Variants in ACSS2 observed in about 807,000 individuals in gnomAD.
The protein encoded by ACSS2 is acetyl-coenzyme A synthetase, cytoplasmic.
Under a neutral mutation model 90.6 loss-of-function variants are expected in ACSS2, and 58 were observed. The ratio of observed to expected loss-of-function variants is 0.64; its 90% CI spans 0.52 to 0.80. The LOEUF is 0.80. Ranked by LOEUF, ACSS2 falls within the 30% of genes least tolerant of loss-of-function variation. The pLI is 0.00. For missense variants in ACSS2, 759 were observed against 912.0 expected, an observed-to-expected ratio of 0.83 and a Z score of 2.16; for synonymous variants, 300 against 330.9, an observed-to-expected ratio of 0.91 and a Z score of 1.01.
Position 34,927,458 on chromosome 20 carries a change from G to C in ACSS2, c.*244G>C. 1 of 556,046 alleles carries C rather than the reference G, an allele frequency of 1.8e-6. No homozygotes were observed. Among genetic ancestry groups the C allele is most frequent in the South Asian group, 2.2e-5 (1 of 44,538 alleles). The allele number at this position is 556,046 out of a possible 1,614,324, so 34.4% of individuals were successfully genotyped here. ...CAGACTGCAGAGCTCTCAGAACCCA[G>C]AACAGAGACGAAAAGGCTACCTCTC... is the stretch of plus-strand genomic sequence containing the variant. On this transcript the variant is annotated 3_prime_UTR_variant, in exon 18 of 18. Transcript: ENST00000360596. This position sits in a 1 kb window ranked among gnomAD's most constrained non-coding sequence, Gnocchi z 4.2.
chr20:34,914,238 C>T, intron 6 of ACSS2, 67 bp downstream of exon 6: 1 of 1,605,836 alleles, frequency 6.2e-7, no homozygotes, highest in Non-Finnish European at 8.5e-7. Context: ...CCTTTGTCCC[C>T]TCTACCCTAA....
chr20:34,916,703 T>TA (rs1406094721), intron 7 of ACSS2, among the ~76,000 whole-genome samples: 5 of 152,066 alleles, frequency 3.3e-5, no homozygotes, highest in Non-Finnish European at 7.4e-5. Flanking sequence ...ATTTAAAAAT[T>TA]AAAAAATAGT....
At chr20:34,897,050 G>C (rs1280743109) in intron 2 of ACSS2, among the ~76,000 whole-genome samples, 1 of 149,020 alleles carries the variant, frequency 6.7e-6, no homozygotes, top group Non-Finnish European at 1.5e-5. Flanking sequence ...AAAAAAAATA[G>C]AAAGAGGCAA....
intron 2 of ACSS2, among the ~76,000 whole-genome samples, chr20:34,899,423 T>TTTCTTTCCTTCC (rs1491564858): frequency 1.3e-3 from 144 of 113,072 alleles, no homozygotes; most frequent in East Asian, 3.8e-3. Flanking sequence ...TCTTTCTTTC[T>TTTCTTTCCTTCC]TTCCTTCCTT....
At chr20:34,925,284 G>A (rs1226527613) in intron 14 of ACSS2, among the ~76,000 whole-genome samples, 3 of 152,106 alleles carry the variant, frequency 2.0e-5, no homozygotes, top group South Asian at 2.1e-4. Context: ...GAGGACCTAC[G>A]TTCATGCTTA....
At chr20:34,882,082 C>T (rs1052523588) in intron 1 of ACSS2, among the ~76,000 whole-genome samples, 2 of 152,088 alleles carry the variant, frequency 1.3e-5, no homozygotes, top group Non-Finnish European at 2.9e-5. Flanking sequence ...CAGCAGAACT[C>T]GGTGTGTACC....
rs1177860432 is a variant in ACSS2, at chr20:34,921,416, G to A, written c.1364G>A (p.Gly455Asp). Residue 455 changes from glycine to aspartate, a missense_variant, in exon 11 of 18, where the codon GGT becomes GAT. Transcript: ENST00000360596. The stretch of plus-strand genomic sequence containing the variant: ...TGGCTATGGTACCACCGGGTGGTAG[G>A]TGCCCAGCGCTGCCCCATCGTGGAC... ...EAWLWYHRVV[G>D]AQRCPIVDTF... is the part of the protein sequence containing the mutation. The A allele has an allele frequency of 6.2e-7, 1 of 1,614,078 alleles. No homozygotes were observed. The highest frequency in any genetic ancestry group is 8.5e-7 in the Non-Finnish European group (1 of 1,180,040).
intron 2 of ACSS2, among the ~76,000 whole-genome samples, chr20:34,905,061 G>A (rs1718684721): frequency 6.6e-6 from 1 of 151,768 alleles, no homozygotes; most frequent in Admixed American, 6.6e-5. Context: ...GGGACCATAG[G>A]CATTAGCTAC....
In ACSS2 at chr20:34,914,450, C is replaced by A. The variant is rs773086961; in HGVS notation, c.834+13C>A. The A allele has an allele frequency of 5.1e-5, 80 of 1,578,966 alleles. No homozygotes were observed. Among genetic ancestry groups the A allele is most frequent in the Non-Finnish European group, 6.6e-5 (77 of 1,163,952 alleles). ...CCCAGATGTGCAGGTGAGTCTGGCA[C>A]TGCTATGCCTTTCTCCAGGCTCAAA... On this transcript the variant is annotated intron_variant, in intron 7 of 17. Transcript: ENST00000360596.
At chr20:34,898,197 G>A (rs1282649018) in intron 2 of ACSS2, among the ~76,000 whole-genome samples, 1 of 152,170 alleles carries the variant, frequency 6.6e-6, no homozygotes, top group Admixed American at 6.5e-5. Flanking sequence ...AAAGAACAAA[G>A]CTTCCACAGT....
intron 7 of ACSS2, among the ~76,000 whole-genome samples, chr20:34,917,517 T>C (rs1403281885): frequency 1.3e-5 from 2 of 152,202 alleles, no homozygotes; most frequent in Non-Finnish European, 1.5e-5. Context: ...TATCAAGCTA[T>C]ATATCTAACA....
intron 2 of ACSS2, among the ~76,000 whole-genome samples, chr20:34,899,423 TTTC>T: frequency 8.8e-6 from 1 of 113,024 alleles, no homozygotes; most frequent in Non-Finnish European, 1.8e-5. Context: ...TCTTTCTTTC[TTTC>T]CTTCCTTCCT....
chr20:34,889,254 C>CT (rs1328643798), intron 2 of ACSS2, among the ~76,000 whole-genome samples: 1 of 151,812 alleles, frequency 6.6e-6, no homozygotes, highest in Admixed American at 6.6e-5. Context: ...TCCCGAGCAG[C>CT]TGGTACTACA....
At chr20:34,917,673 T>C (rs1428805381) in intron 7 of ACSS2, among the ~76,000 whole-genome samples, 2 of 152,202 alleles carry the variant, frequency 1.3e-5, no homozygotes, top group African/African-American at 2.4e-5. Flanking sequence ...ATGAAAGGAC[T>C]TTGTGACAGC....
At chr20:34,922,041 A>G in intron 13 of ACSS2, 175 bp downstream of exon 13, 1 of 1,370,834 alleles carries the variant, frequency 7.3e-7, no homozygotes, top group Non-Finnish European at 9.4e-7. Context: ...CTTTGCCTGC[A>G]TCTCTTCCTT....
At chr20:34,879,871 T>C (rs2080028977) in intron 1 of ACSS2, among the ~76,000 whole-genome samples, 1 of 152,248 alleles carries the variant, frequency 6.6e-6, no homozygotes, top group South Asian at 2.1e-4. Context: ...CGTTATTAGC[T>C]GCGTGGTCCT....
chr20:34,914,576 C>CCCTGCTAG, intron 7 of ACSS2, 139 bp downstream of exon 7: 1 of 744,252 alleles, frequency 1.3e-6, no homozygotes, highest in Non-Finnish European at 2.1e-6. Context: ...CCTCCTCTAG[C>CCCTGCTAG]AGGGCTAGGT....
intron 2 of ACSS2, among the ~76,000 whole-genome samples, chr20:34,903,276 A>G (rs1312795694): frequency 6.6e-6 from 1 of 150,466 alleles, no homozygotes; most frequent in Non-Finnish European, 1.5e-5. Flanking sequence ...CGGCAGGCAG[A>G]GGTTGCAGTA....
intron 7 of ACSS2, 114 bp downstream of exon 7, chr20:34,914,551 G>A (rs1411579186): frequency 1.1e-6 from 1 of 934,138 alleles, no homozygotes. Context: ...GGATCCAGGA[G>A]CAATTCTAGG....
Sources: allele counts gnomAD v4.1 joint callset (sites outside exome capture counted in the v4.1 genomes callset), GRCh38; gene constraint gnomAD v4.1.1; non-coding constraint Gnocchi (gnomAD v3.1); transcripts MANE v1.5; gene names NCBI Gene and HGNC (gene_info 2026-07-23, HGNC 2026-07-21).